FAM50B: variants seen among roughly 807,000 people sequenced by gnomAD.
FAM50B encodes the protein family with sequence similarity 50 member B, also known as protein FAM50B.
Under a neutral mutation model 25.4 loss-of-function variants are expected in FAM50B, and 9 were observed. That is an observed-to-expected ratio of 0.35 (90% CI 0.21 to 0.62). FAM50B has a LOEUF of 0.62. FAM50B is among the 20% of genes least tolerant of loss of function. The pLI, the probability that FAM50B is intolerant of heterozygous loss-of-function variation, is 0.73. For missense variants in FAM50B, 372 were observed against 477.9 expected (o/e 0.78, Z 2.07); for synonymous variants, 212 against 204.3 (o/e 1.04, Z -0.32).
the FAM50B span, among the ~76,000 whole-genome samples, chr6:3,843,304 T>C: frequency 6.6e-6 from 1 of 152,320 alleles, no homozygotes; most frequent in Admixed American, 6.5e-5. Flanking sequence ...CTGGAGGTGG[T>C]TGCCTCCAGG....
the FAM50B span, among the ~76,000 whole-genome samples, chr6:3,843,934 C>A: frequency 6.6e-6 from 1 of 152,210 alleles, no homozygotes; most frequent in East Asian, 1.9e-4. Context: ...GAGATGCTAT[C>A]GGGGCACGCC....
Position 3,850,459 on chromosome 6 carries a change from G to A in FAM50B, c.648G>A (p.Ala216=), listed in dbSNP as rs1581304866. The A allele has an allele frequency of 1.9e-6, 3 of 1,613,382 alleles. No homozygotes were observed. The highest frequency in any genetic ancestry group is 2.2e-5 in the East Asian group (1 of 44,866). The change falls in exon 2 of 2, where the codon GCG becomes GCA. Residue 216 remains alanine, a synonymous_variant. Coordinates refer to ENST00000648326, the MANE Select transcript of FAM50B (RefSeq NM_012135.3). ...GNTVQQFLKK[A]LQGLRKDFLE... ...CGGTGCAGCAGTTCCTGAAGAAGGCGCTGCAGGGGCTGCGCAAGGACTTCC... is the reference window on the plus strand; with the variant it reads ...CGGTGCAGCAGTTCCTGAAGAAGGCACTGCAGGGGCTGCGCAAGGACTTCC...
chr6:3,847,666 T>G (rs1348479251), upstream of FAM50B, among the ~76,000 whole-genome samples: 1 of 152,248 alleles, frequency 6.6e-6, no homozygotes, highest in Non-Finnish European at 1.5e-5. Flanking sequence ...TCAGTTTCAT[T>G]CAAGATTTTT....
the FAM50B span, among the ~76,000 whole-genome samples, chr6:3,844,150 G>A: frequency 0.23 from 35,280 of 152,078 alleles, 4,518 homozygotes; most frequent in South Asian, 0.32. Flanking sequence ...TTTTTCTCTT[G>A]TTAAAATAGT....
chr6:3,844,004 C>G, the FAM50B span, among the ~76,000 whole-genome samples: 1 of 152,172 alleles, frequency 6.6e-6, no homozygotes, highest in African/African-American at 2.4e-5. Flanking sequence ...CTGGAGAGGA[C>G]AGTATATCTG....
the FAM50B span, among the ~76,000 whole-genome samples, chr6:3,843,890 G>T: frequency 6.6e-6 from 1 of 152,178 alleles, no homozygotes; most frequent in Non-Finnish European, 1.5e-5. Flanking sequence ...ACTGGTTCAG[G>T]ATACTGTGGT....
Position 3,850,411 on chromosome 6 carries a change from GGTGCGGGT to G in FAM50B, c.602_609del (p.Val201AlafsTer70). The G allele has an allele frequency of 6.2e-7, 1 of 1,613,322 alleles. No individual in the cohort carries two copies. ...GGGACGGCTCGGGCCACCGGCGCAC[GGTGCGGGT>G]GCGCAAGGGCAACACGGTGCAGCAG... On this transcript the variant is annotated frameshift_variant, in exon 2 of 2. Coordinates refer to ENST00000648326, the MANE Select transcript of FAM50B (RefSeq NM_012135.3). LOFTEE classifies it high-confidence loss of function.
At chr6:3,846,949 G>A (rs1326429793), upstream of FAM50B, among the ~76,000 whole-genome samples, 1 of 152,220 alleles carries the variant, frequency 6.6e-6, no homozygotes, top group Admixed American at 6.5e-5. Flanking sequence ...CATTGTTAAT[G>A]AGTAATAATA....
chr6:3,850,125 G>GGGAGCA lies in FAM50B; in HGVS notation c.322_327dup (p.Glu108_Gln109dup), dbSNP rs1561775524. The GGGAGCA allele has an allele frequency of 1.9e-6, 3 of 1,610,024 alleles. No individual in the cohort carries two copies. Among genetic ancestry groups the GGGAGCA allele is most frequent in the East Asian group, 2.2e-5 (1 of 44,782 alleles). On this transcript the variant is annotated inframe_insertion, in exon 2 of 2. Transcript: ENST00000648326. ...CAGCGGCTGCAGCAGGAGCGGCAGCGGGAGCAGGAGCAGCGGCGCGAGCGC... is the reference window on the plus strand; with the variant it reads ...CAGCGGCTGCAGCAGGAGCGGCAGCGGGAGCAGGAGCAGGAGCAGCGGCGCGAGCGC...
chr6:3,850,115 GAGCGGC>G lies in FAM50B; in HGVS notation c.310_315del (p.Gln104_Arg105del), dbSNP rs1336506307. ...CCTGGAGGAGCAGCGGCTGCAGCAGGAGCGGCAGCGGGAGCAGGAGCAGCGGCGCGA... is the reference window on the plus strand; with the variant it reads ...CCTGGAGGAGCAGCGGCTGCAGCAGGAGCGGGAGCAGGAGCAGCGGCGCGA... On this transcript the variant is annotated inframe_deletion, in exon 2 of 2. Transcript: ENST00000648326. The G allele has an allele frequency of 8.1e-6, 13 of 1,609,566 alleles. No homozygotes were observed. The Admixed American group carries it at 1.0e-4, about 12-fold the overall frequency.
the FAM50B span, among the ~76,000 whole-genome samples, chr6:3,843,528 C>T: frequency 6.6e-6 from 1 of 152,176 alleles, no homozygotes; most frequent in African/African-American, 2.4e-5. Context: ...ATTGTGACAT[C>T]TCTTAGGTTT....
Position 3,849,751 on chromosome 6 carries a change from C to T in FAM50B, c.-23-38C>T. ...TGAGCATTCCCCGCCGTTGCGTGGG[C>T]CCCCCTCTACCTGCCGCGTTTTTCC... On this transcript the variant is annotated intron_variant, in intron 1 of 1. Transcript: ENST00000648326. 4.0e-6 allele frequency: 6 copies of T among 1,516,062 alleles called. No individual in the cohort carries two copies. The East Asian group carries it at 7.0e-5, about 18-fold the overall frequency. The allele number at this position is 1,516,062 out of a possible 1,614,324, so 93.9% of individuals were successfully genotyped here.
chr6:3,849,139 A>T (rs193109983), upstream of FAM50B, among the ~76,000 whole-genome samples: 219 of 152,280 alleles, frequency 1.4e-3, no homozygotes, highest in African/African-American at 5.0e-3. Flanking sequence ...GCGTGAAAAC[A>T]GGAGCCCCGG....
At chr6:3,833,688 A>C in the FAM50B span, 66,711 of 152,048 alleles carry the variant, frequency 0.44, 15,277 homozygotes, top group African/African-American at 0.57. Flanking sequence ...GATCACCCTT[A>C]TGAGAGAGCA....
At chr6:3,840,631 CA>C in the FAM50B span, among the ~76,000 whole-genome samples, 2 of 152,182 alleles carry the variant, frequency 1.3e-5, no homozygotes, top group African/African-American at 4.8e-5. Flanking sequence ...TGGACCTCAG[CA>C]GGCAGAATGC....
the FAM50B span, among the ~76,000 whole-genome samples, chr6:3,843,533 A>AG: frequency 2.0e-5 from 3 of 152,184 alleles, no homozygotes; most frequent in Admixed American, 1.3e-4. Context: ...GACATCTCTT[A>AG]GGTTTCATTT....
chr6:3,845,956 C>T (rs1762115783), upstream of FAM50B, among the ~76,000 whole-genome samples: 1 of 152,008 alleles, frequency 6.6e-6, no homozygotes, highest in Non-Finnish European at 1.5e-5. Context: ...CTCTTGACCT[C>T]GTGATCCACC....
upstream of FAM50B, among the ~76,000 whole-genome samples, chr6:3,845,226 CCTT>C (rs1249025448): frequency 1.3e-5 from 2 of 152,146 alleles, no homozygotes; most frequent in Admixed American, 1.3e-4. Flanking sequence ...GGATAAATCT[CCTT>C]CTTTCTAGTT....
the FAM50B span, among the ~76,000 whole-genome samples, chr6:3,838,840 C>CAA: frequency 2.6e-3 from 119 of 45,692 alleles, no homozygotes; most frequent in African/African-American, 3.8e-3. Context: ...GACTCCATCT[C>CAA]AAAAAAAAAA....
Sources: allele counts gnomAD v4.1 joint callset (sites outside exome capture counted in the v4.1 genomes callset), GRCh38; gene constraint gnomAD v4.1.1; transcripts MANE v1.5; gene names NCBI Gene and HGNC (gene_info 2026-07-23, HGNC 2026-07-21).